Variants in GOLGB1 observed in about 807,000 individuals in gnomAD.
GOLGB1 encodes golgin B1.
In GOLGB1, 174 loss-of-function variants were observed where a neutral mutation model predicts 336.9. The ratio of observed to expected loss-of-function variants is 0.52; its 90% CI spans 0.46 to 0.59. GOLGB1 has a LOEUF of 0.59. GOLGB1 is among the 20% of genes least tolerant of loss of function. The pLI is 0.00. For synonymous variants in GOLGB1, 1,208 were observed against 1,289.2 expected (o/e 0.94, Z 1.35); for missense variants, 3,331 against 3,645.3 (o/e 0.91, Z 2.22).
Position 121,696,567 on chromosome 3 carries a change from A to C in GOLGB1, c.3956T>G (p.Ile1319Arg). 6 of 1,614,066 alleles carry C rather than the reference A, an allele frequency of 3.7e-6. No individual in the cohort carries two copies. Among genetic ancestry groups the C allele is most frequent in the Non-Finnish European group, 5.1e-6 (6 of 1,180,014 alleles). Residue 1319 changes from isoleucine (I) to arginine (R), a missense_variant, in exon 13 of 22, where the codon ATA becomes AGA. Physicochemically the swap from Ile to Arg is moderately conservative, Grantham distance 97. Transcript: ENST00000614479. ...VAQIKAQLKE[I>R]EAEKVELELK... ...TTCTAACTCTACTTTCTCAGCCTCT[A>C]TTTCCTTCAGCTGGGCCTTAATCTG...
chr3:121,706,805 C>G (rs879788000), intron 10 of GOLGB1, among the ~76,000 whole-genome samples: 1 of 129,618 alleles, frequency 7.7e-6, no homozygotes, highest in African/African-American at 2.9e-5. Context: ...TAGAGTAATA[C>G]ACTTAGAGAA....
chr3:121,740,136 C>G (rs1490498718), intron 1 of GOLGB1, among the ~76,000 whole-genome samples: 2 of 152,142 alleles, frequency 1.3e-5, no homozygotes, highest in African/African-American at 4.8e-5. Flanking sequence ...TGTTCAATAT[C>G]TTGACTGTGG....
At position 121,694,562 on chromosome 3, in the gene GOLGB1, C is replaced by T. The variant is rs1323659958; in HGVS notation, c.5961G>A (p.Val1987=). Residue 1987 remains valine (V), a synonymous_variant, in exon 13 of 22, where the codon GTG becomes GTA. Coordinates refer to ENST00000614479, the MANE Select transcript of GOLGB1 (RefSeq NM_001366282.2). ...AATATTCCTTTCGTATTTCTGATTC[C>T]ACCTTAGTTTTTTCCTTGACTAACT... ...KQQLVKEKTK[V]ESEIRKEYLE... is the part of the protein sequence containing the mutation. The T allele has an allele frequency of 6.2e-7, 1 of 1,612,468 alleles. No homozygotes were observed. Among genetic ancestry groups the T allele is most frequent in the East Asian group, 2.2e-5 (1 of 44,852 alleles).
chr3:121,691,894 C>T lies in GOLGB1; in HGVS notation c.7470G>A (p.Glu2490=). 1 of 1,613,952 alleles carries T rather than the reference C, an allele frequency of 6.2e-7. No homozygotes were observed. The change falls in exon 14 of 22, where the codon GAG becomes GAA. Residue 2490 remains glutamate, a synonymous_variant. Coordinates refer to ENST00000614479, the MANE Select transcript of GOLGB1 (RefSeq NM_001366282.2). Reference sequence around the variant, plus strand: ...TTTCCAAGATTATAGAGAGATGTCGCTCTTCCAGCTGTTGATAGTCACCCA... The same window carrying T: ...TTTCCAAGATTATAGAGAGATGTCGTTCTTCCAGCTGTTGATAGTCACCCA... ...RIVGDYQQLE[E]RHLSIILEKD...
rs1939173591 is a variant in GOLGB1 at position 121,669,409 on chromosome 3, G to T, written c.9178-54C>A. ...CCTGCAGTACTGTAAGCAGTGCTGA[G>T]GTGAAATGTTCTGAGTTTTCAGGAT... On this transcript the variant is annotated intron_variant, in intron 17 of 21. Transcript: ENST00000614479. 9 of 1,402,218 alleles carry T rather than the reference G, an allele frequency of 6.4e-6. No individual in the cohort carries two copies. In the Admixed American group the frequency reaches 1.9e-4, roughly 29 times the overall value. 86.9% of individuals were successfully genotyped at this position (1,402,218 alleles called of 1,614,324 possible). A position where few individuals can be genotyped will look rare whatever the true frequency, so the allele number is the denominator to read the frequency against.
chr3:121,687,950 A>G (rs1576321367), intron 14 of GOLGB1, among the ~76,000 whole-genome samples: 1 of 152,334 alleles, frequency 6.6e-6, no homozygotes, highest in Admixed American at 6.5e-5. Flanking sequence ...AAAAAATATA[A>G]ACAAGTATGT....
intron 10 of GOLGB1, among the ~76,000 whole-genome samples, chr3:121,709,855 A>G (rs1036345574): frequency 6.6e-6 from 1 of 152,134 alleles, no homozygotes; most frequent in Non-Finnish European, 1.5e-5. Context: ...GAAAATTAAC[A>G]AGACCAAAAG....
At chr3:121,715,369 A>ATTTTTTTT (rs373634444) in intron 9 of GOLGB1, among the ~76,000 whole-genome samples, 1 of 128,596 alleles carries the variant, frequency 7.8e-6, no homozygotes, top group South Asian at 2.5e-4. Context: ...TGCCTGGCTA[A>ATTTTTTTT]TTTTTTTTTT....
Position 121,716,884 on chromosome 3 carries a change from C to A in GOLGB1, c.1141G>T (p.Glu381Ter). ...AGACTCAAAATATGAGAGGTCTTCTCTTCCATTTCTGCTTTGTGCTTCTGC... is the reference window on the plus strand; with the variant it reads ...AGACTCAAAATATGAGAGGTCTTCTATTCCATTTCTGCTTTGTGCTTCTGC... ...LEQKHKAEMEEKTSHILSLQK... is the reference protein window; with the variant it reads ...LEQKHKAEME The change falls in exon 9 of 22, where the codon GAG (glutamate) becomes TAG (stop). Residue 381 changes from glutamate to a stop codon, truncating the protein, a stop_gained. Coordinates refer to ENST00000614479, the MANE Select transcript of GOLGB1 (RefSeq NM_001366282.2). LOFTEE classifies it high-confidence loss of function. 6.2e-7 allele frequency: 1 copy of A among 1,614,072 alleles called. No individual in the cohort carries two copies. Among genetic ancestry groups the A allele is most frequent in the Non-Finnish European group, 8.5e-7 (1 of 1,179,952 alleles).
intron 10 of GOLGB1, among the ~76,000 whole-genome samples, chr3:121,706,733 C>CAAAAAAA (rs1200925309): frequency 1.9e-4 from 3 of 16,158 alleles, no homozygotes; most frequent in African/African-American, 7.7e-4. Context: ...GACTCTGTCT[C>CAAAAAAA]AAAAAAAAAA....
chr3:121,715,000 T>G, intron 9 of GOLGB1, 24 bp from the exon 10 acceptor site: 1 of 1,238,676 alleles, frequency 8.1e-7, no homozygotes, highest in Non-Finnish European at 1.2e-6. Flanking sequence ...AAAAAATAAA[T>G]GTAATATTTG....
intron 5 of GOLGB1, among the ~76,000 whole-genome samples, chr3:121,723,175 T>C (rs1174422918): frequency 1.3e-5 from 2 of 152,230 alleles, no homozygotes; most frequent in African/African-American, 2.4e-5. Flanking sequence ...TATTTTTAAT[T>C]TTTAACATTA....
At chr3:121,739,513 C>T (rs542418246) in intron 1 of GOLGB1, among the ~76,000 whole-genome samples, 45 of 151,330 alleles carry the variant, frequency 3.0e-4, no homozygotes, top group Middle Eastern at 3.4e-3. Flanking sequence ...AAAGTGAAAA[C>T]AAGAAGTGAC....
chr3:121,714,796 G>T, intron 10 of GOLGB1, 65 bp downstream of exon 10: 1 of 1,011,428 alleles, frequency 9.9e-7, no homozygotes, highest in Non-Finnish European at 1.6e-6. Context: ...CCTCATTAGA[G>T]CACCGAAGTA....
intron 15 of GOLGB1, among the ~76,000 whole-genome samples, chr3:121,680,786 G>A (rs1361783151): frequency 2.6e-5 from 4 of 151,998 alleles, no homozygotes; most frequent in Non-Finnish European, 5.9e-5. Flanking sequence ...TATAAAGAAC[G>A]CTTAAAACTT....
rs1008481947 is a variant in GOLGB1, at chr3:121,726,876, A to G, written c.531+37T>C. 5 of 1,493,012 alleles carry G rather than the reference A, an allele frequency of 3.3e-6. No individual in the cohort carries two copies. In the African/African-American group the frequency reaches 5.7e-5, roughly 17 times the overall value. 92.5% of individuals were successfully genotyped at this position (1,493,012 alleles called of 1,614,324 possible). On this transcript the variant is annotated intron_variant, in intron 5 of 21. Transcript: ENST00000614479. ...AATAATCCATTGGTTTTAGTGATTC[A>G]TTAACCTAATGATTATGAAGTAACT...
In GOLGB1 at chr3:121,691,744, T is replaced by C. The variant is rs187090849; in HGVS notation, c.7620A>G (p.Gln2540=). Residue 2540 remains glutamine, a synonymous_variant, in exon 14 of 22, where the codon CAA becomes CAG. Coordinates refer to ENST00000614479, the MANE Select transcript of GOLGB1 (RefSeq NM_001366282.2). The part of the protein sequence containing the change: ...ENAKLDAELI[Q]YREDLNQVIT... Reference sequence around the variant, plus strand: ...TCACTTGGTTCAGGTCTTCTCTATATTGGATCAGTTCTGCATCTAGCTTGG... The same window carrying C: ...TCACTTGGTTCAGGTCTTCTCTATACTGGATCAGTTCTGCATCTAGCTTGG... 8 of 1,613,798 alleles carry C rather than the reference T, an allele frequency of 5.0e-6. No homozygotes were observed. In the East Asian group the frequency reaches 8.9e-5, roughly 18 times the overall value.
chr3:121,683,857 C>A (rs574896136), intron 14 of GOLGB1, among the ~76,000 whole-genome samples: 1 of 152,026 alleles, frequency 6.6e-6, no homozygotes, highest in Non-Finnish European at 1.5e-5. Context: ...CGGCCGGGGA[C>A]GGTGGCTCAT....
rs749577819 is a variant in GOLGB1, at chr3:121,677,030, C to T, written c.9040G>A (p.Ala3014Thr). ...QPLKVQYQRQASPETSASPDG... is the reference protein window; with the variant it reads ...QPLKVQYQRQTSPETSASPDG... Reference sequence around the variant, plus strand: ...GGGGAAGCTGATGTCTCTGGGGATGCCTGCCAGGACACAAACATTGATCAG... The same window carrying T: ...GGGGAAGCTGATGTCTCTGGGGATGTCTGCCAGGACACAAACATTGATCAG... The change falls in exon 17 of 22, where the codon GCA becomes ACA. Residue 3014 changes from alanine (A) to threonine (T), a missense_variant and splice_region_variant. Transcript: ENST00000614479. The T allele has an allele frequency of 6.2e-7, 1 of 1,613,832 alleles. No individual in the cohort carries two copies. Among genetic ancestry groups the T allele is most frequent in the East Asian group, 2.2e-5 (1 of 44,870 alleles).
Sources: gnomAD v4.1 joint callset for allele counts (sites outside exome capture counted in the v4.1 genomes callset) on GRCh38, gnomAD v4.1.1 for gene constraint, MANE v1.5 for transcripts, NCBI Gene and HGNC (gene_info 2026-07-23, HGNC 2026-07-21) for gene names.